The following TAS2R1 variants were observed in gnomAD, a reference collection of about 807,000 sequenced individuals.
The protein encoded by TAS2R1 is taste receptor type 2 member 1.
For synonymous variants in TAS2R1, 141 were observed against 134.2 expected, an observed-to-expected ratio of 1.05 and a Z score of -0.35; for missense variants, 370 against 353.4, an observed-to-expected ratio of 1.05 and a Z score of -0.38.
chr5:9,881,382 T>C, the TAS2R1 span, among the ~76,000 whole-genome samples: 13 of 152,056 alleles, frequency 8.5e-5, no homozygotes, highest in African/African-American at 3.1e-4. Context: ...TGGAAAAACA[T>C]TCCATGCTCA....
chr5:9,877,598 T>TC, the TAS2R1 span, among the ~76,000 whole-genome samples: 3 of 152,246 alleles, frequency 2.0e-5, no homozygotes, highest in Admixed American at 2.0e-4. Flanking sequence ...ACATACTGTC[T>TC]CCAATATGCT....
intron 2 of TAS2R1, among the ~76,000 whole-genome samples, chr5:9,641,135 G>A (rs1740074749): frequency 6.6e-6 from 1 of 152,138 alleles, no homozygotes; most frequent in African/African-American, 2.4e-5. Flanking sequence ...GCCCTGACAG[G>A]AAACTAGCAG....
chr5:9,893,912 T>C, the TAS2R1 span, among the ~76,000 whole-genome samples: 1 of 152,208 alleles, frequency 6.6e-6, no homozygotes, highest in Non-Finnish European at 1.5e-5. Flanking sequence ...TAACATGGCC[T>C]TTAGGCTTTT....
At chr5:9,685,266 A>C (rs1180521333) in intron 1 of TAS2R1, among the ~76,000 whole-genome samples, 1 of 152,232 alleles carries the variant, frequency 6.6e-6, no homozygotes, top group Admixed American at 6.5e-5. Flanking sequence ...CTGAGACTTT[A>C]AGAAAAATAT....
chr5:9,642,731 G>A (rs973747459), intron 2 of TAS2R1, among the ~76,000 whole-genome samples: 3 of 152,086 alleles, frequency 2.0e-5, no homozygotes, highest in Non-Finnish European at 2.9e-5. Context: ...ATAGAATAAT[G>A]GAGCAATGCA....
chr5:9,668,555 C>T (rs1740686340), intron 1 of TAS2R1, among the ~76,000 whole-genome samples: 1 of 152,142 alleles, frequency 6.6e-6, no homozygotes, highest in Admixed American at 6.5e-5. Context: ...AGGCTCACAG[C>T]AGACCTTTCA....
the TAS2R1 span, among the ~76,000 whole-genome samples, chr5:9,849,733 T>G: frequency 6.6e-6 from 1 of 152,236 alleles, no homozygotes; most frequent in Non-Finnish European, 1.5e-5. Flanking sequence ...TTAAAGAGCC[T>G]GTAACAAGGA....
the TAS2R1 span, among the ~76,000 whole-genome samples, chr5:9,877,101 C>G: frequency 6.6e-6 from 1 of 152,202 alleles, no homozygotes; most frequent in African/African-American, 2.4e-5. Context: ...GCTTCTGATT[C>G]GTGTATGATT....
At chr5:9,888,503 TAATC>T in the TAS2R1 span, among the ~76,000 whole-genome samples, 2 of 152,276 alleles carry the variant, frequency 1.3e-5, no homozygotes, top group African/African-American at 4.8e-5. Flanking sequence ...TTTTAAAAAT[TAATC>T]AATCCGTAAT....
At chr5:9,652,054 C>T (rs368070298) in intron 2 of TAS2R1, among the ~76,000 whole-genome samples, 2 of 152,122 alleles carry the variant, frequency 1.3e-5, no homozygotes, top group Non-Finnish European at 1.5e-5. Context: ...ATTTTCAGAT[C>T]AAAATGTGGG....
At chr5:9,650,181 T>C (rs1740272117) in intron 2 of TAS2R1, among the ~76,000 whole-genome samples, 1 of 152,184 alleles carries the variant, frequency 6.6e-6, no homozygotes. Context: ...TCTAAGATGA[T>C]AGAAAACAAT....
the TAS2R1 span, among the ~76,000 whole-genome samples, chr5:9,728,481 T>G: frequency 6.6e-6 from 1 of 152,326 alleles, no homozygotes; most frequent in Middle Eastern, 3.4e-3. Flanking sequence ...AACTTGTGTT[T>G]TCAAATATTC....
At chr5:9,877,245 G>T in the TAS2R1 span, among the ~76,000 whole-genome samples, 3 of 152,174 alleles carry the variant, frequency 2.0e-5, no homozygotes, top group African/African-American at 7.2e-5. Context: ...TTAGAAAGTG[G>T]ATGGGTTTTC....
At chr5:9,708,337 G>T (rs1018646981) in intron 1 of TAS2R1, among the ~76,000 whole-genome samples, 1 of 152,214 alleles carries the variant, frequency 6.6e-6, no homozygotes, top group South Asian at 2.1e-4. Context: ...ATTCAATTTT[G>T]TTCACTTAAT....
At chr5:9,839,850 TC>T in the TAS2R1 span, among the ~76,000 whole-genome samples, 1 of 152,206 alleles carries the variant, frequency 6.6e-6, no homozygotes. Context: ...ATTTAACTAT[TC>T]TTATCTCAGT....
intron 2 of TAS2R1, among the ~76,000 whole-genome samples, chr5:9,646,137 A>T (rs1208774628): frequency 2.6e-5 from 4 of 152,152 alleles, no homozygotes; most frequent in Non-Finnish European, 5.9e-5. Context: ...TGAGTATTCT[A>T]TTCACTAGAT....
the TAS2R1 span, among the ~76,000 whole-genome samples, chr5:9,886,684 A>G: frequency 6.1e-3 from 923 of 152,246 alleles, 4 homozygotes; most frequent in Non-Finnish European, 8.0e-3. Flanking sequence ...TAACACCTAT[A>G]TGAAGACATA....
intron 1 of TAS2R1, among the ~76,000 whole-genome samples, chr5:9,700,767 T>C (rs1741463022): frequency 6.6e-6 from 1 of 152,198 alleles, no homozygotes; most frequent in Non-Finnish European, 1.5e-5. Context: ...GATGACCGTC[T>C]TCTCTCTGTC....
chr5:9,746,607 T>C, the TAS2R1 span, among the ~76,000 whole-genome samples: 6 of 152,210 alleles, frequency 3.9e-5, no homozygotes, highest in African/African-American at 1.2e-4. Context: ...TGAGTTCATG[T>C]CCTTTGTAGG....
Sources: allele counts gnomAD v4.1 joint callset (sites outside exome capture counted in the v4.1 genomes callset), GRCh38; gene constraint gnomAD v4.1.1; transcripts MANE v1.5; gene names NCBI Gene and HGNC (gene_info 2026-07-23, HGNC 2026-07-21).